The following DGKI variants were observed in gnomAD, a reference collection of about 807,000 sequenced individuals.
DGKI encodes the protein DAG kinase iota.
In DGKI, 55 loss-of-function variants were observed where a neutral mutation model predicts 147.5. That is an observed-to-expected ratio of 0.37 (90% CI 0.30 to 0.47). DGKI has a LOEUF of 0.47. Ranked by LOEUF, DGKI falls within the 20% of genes least tolerant of loss-of-function variation. The pLI, the probability that DGKI is intolerant of heterozygous loss-of-function variation, is 1.00. For synonymous variants in DGKI, 469 were observed against 477.1 expected, an observed-to-expected ratio of 0.98 and a Z score of 0.22; for missense variants, 1,007 against 1,323.8, an observed-to-expected ratio of 0.76 and a Z score of 3.71.
chr7:137,573,517 G>A (rs1818863347), intron 17 of DGKI, among the ~76,000 whole-genome samples: 1 of 152,138 alleles, frequency 6.6e-6, no homozygotes, highest in African/African-American at 2.4e-5. Flanking sequence ...CGATTCTCCT[G>A]CCTCAGCCTC....
chr7:137,727,858 C>T (rs1794757499), intron 1 of DGKI, among the ~76,000 whole-genome samples: 1 of 152,118 alleles, frequency 6.6e-6, no homozygotes, highest in Admixed American at 6.6e-5. Context: ...TATGATTAAG[C>T]TCTTCTTTAT....
At chr7:137,581,358 A>G (rs761623645) in intron 15 of DGKI, among the ~76,000 whole-genome samples, 4 of 152,054 alleles carry the variant, frequency 2.6e-5, no homozygotes, top group Admixed American at 1.3e-4. Context: ...TAGCTCCTCT[A>G]TTGTTCTAAG....
chr7:137,595,326 A>T (rs1819748160), intron 12 of DGKI, among the ~76,000 whole-genome samples: 1 of 152,196 alleles, frequency 6.6e-6, no homozygotes, highest in South Asian at 2.1e-4. Context: ...AGATTGTACC[A>T]ACTTTCACTT....
At chr7:137,801,317 T>TA (rs1797197853) in intron 1 of DGKI, among the ~76,000 whole-genome samples, 1 of 152,122 alleles carries the variant, frequency 6.6e-6, no homozygotes, top group Non-Finnish European at 1.5e-5. Context: ...TGAATCTCAT[T>TA]AGCTACTAGA....
At chr7:137,484,940 C>G (rs754171564) in intron 23 of DGKI, among the ~76,000 whole-genome samples, 1 of 152,008 alleles carries the variant, frequency 6.6e-6, no homozygotes, top group Non-Finnish European at 1.5e-5. Context: ...ACAAAGTCAT[C>G]TAGCCCAGAG....
At chr7:137,781,826 G>C (rs773492760) in intron 1 of DGKI, among the ~76,000 whole-genome samples, 1 of 152,242 alleles carries the variant, frequency 6.6e-6, no homozygotes, top group African/African-American at 2.4e-5. Context: ...AATGGAGGGA[G>C]AAGGCAAAGC....
intron 20 of DGKI, 115 bp from the exon 21 acceptor site, chr7:137,522,081 T>C (rs1440231996): frequency 1.4e-6 from 1 of 705,334 alleles, no homozygotes; most frequent in South Asian, 2.0e-5. Flanking sequence ...AGAGTTCACA[T>C]TCAAACCAGA....
intron 1 of DGKI, among the ~76,000 whole-genome samples, chr7:137,835,517 C>T (rs996638147): frequency 1.1e-4 from 17 of 152,176 alleles, no homozygotes; most frequent in Non-Finnish European, 2.2e-4. Context: ...GTCTCCTTTA[C>T]AATGAAATGG....
rs758446549 is a variant in DGKI, at chr7:137,407,858, T to C, written c.2920+17A>G. 1 of 1,613,154 alleles carries C rather than the reference T, an allele frequency of 6.2e-7. No individual in the cohort carries two copies. The highest frequency in any genetic ancestry group is 8.5e-7 in the Non-Finnish European group (1 of 1,179,604). ...CACAGGTAAGTGATCCTTGGTAAGT[T>C]CACTATGCCTACTTACCGTGGTCAA... On this transcript the variant is annotated intron_variant, in intron 30 of 32. Coordinates refer to ENST00000614521, the MANE Select transcript of DGKI (RefSeq NM_001321708.2).
chr7:137,442,981 T>G (rs1813569712), intron 28 of DGKI, among the ~76,000 whole-genome samples: 1 of 152,246 alleles, frequency 6.6e-6, no homozygotes, highest in Admixed American at 6.5e-5. Context: ...ACCATCTATA[T>G]GGCAAAAGAA....
At chr7:137,691,437 C>G (rs1487792068) in intron 1 of DGKI, among the ~76,000 whole-genome samples, 1 of 152,120 alleles carries the variant, frequency 6.6e-6, no homozygotes, top group Non-Finnish European at 1.5e-5. Context: ...TTGGACTACA[C>G]AGAGGAACAA....
At chr7:137,617,857 TAAAATGAA>T (rs1384408304) in intron 8 of DGKI, among the ~76,000 whole-genome samples, 1 of 151,636 alleles carries the variant, frequency 6.6e-6, no homozygotes, top group Non-Finnish European at 1.5e-5. Context: ...AGGTAATTCA[TAAAATGAA>T]AATATGAAGT....
chr7:137,585,071 C>T, intron 14 of DGKI, 138 bp downstream of exon 14: 3 of 958,122 alleles, frequency 3.1e-6, no homozygotes, highest in Non-Finnish European at 4.7e-6. Context: ...CACATAGCCC[C>T]AGTAGCCATC....
At chr7:137,799,908 A>G (rs1726847563) in intron 1 of DGKI, among the ~76,000 whole-genome samples, 1 of 152,220 alleles carries the variant, frequency 6.6e-6, no homozygotes, top group African/African-American at 2.4e-5. Context: ...TTCTATAATG[A>G]TTAGTTCTAT....
intron 17 of DGKI, among the ~76,000 whole-genome samples, chr7:137,573,855 A>G (rs1818876947): frequency 6.6e-6 from 1 of 152,244 alleles, no homozygotes; most frequent in Non-Finnish European, 1.5e-5. Context: ...ATCCTTTGAT[A>G]AATCAAGGAA....
chr7:137,645,653 A>C, intron 5 of DGKI, 116 bp from the exon 6 acceptor site: 2 of 908,494 alleles, frequency 2.2e-6, no homozygotes, highest in South Asian at 3.7e-5. Flanking sequence ...TGCAGCCTCG[A>C]ACTCCTCTGC....
intron 1 of DGKI, among the ~76,000 whole-genome samples, chr7:137,772,778 T>C (rs143496465): frequency 1.3e-5 from 2 of 152,380 alleles, no homozygotes; most frequent in Middle Eastern, 3.4e-3. Flanking sequence ...AACAAACATA[T>C]ATTGTTTGCA....
chr7:137,438,404 C>G (rs190851268), intron 28 of DGKI, among the ~76,000 whole-genome samples: 1 of 152,036 alleles, frequency 6.6e-6, no homozygotes. Flanking sequence ...ACAAGACTAG[C>G]AAACATTTTT....
At position 137,722,322 on chromosome 7, in the gene DGKI, G is replaced by A. The variant is rs979324230; in HGVS notation, c.402-32320C>T. The A allele has an allele frequency of 9.3e-6, 15 of 1,612,746 alleles. No homozygotes were observed. The Admixed American group carries it at 2.5e-4, about 27-fold the overall frequency. On this transcript the variant is annotated intron_variant, in intron 1 of 32. Coordinates refer to ENST00000614521, the MANE Select transcript of DGKI (RefSeq NM_001321708.2). Reference sequence around the variant, plus strand: ...CCCGGGTGGTTAAACTTCGCAAAATGCCTAGATATTATCCTACTGAAGATG... The same window carrying A: ...CCCGGGTGGTTAAACTTCGCAAAATACCTAGATATTATCCTACTGAAGATG...
Sources: allele counts gnomAD v4.1 joint callset (sites outside exome capture counted in the v4.1 genomes callset), GRCh38; gene constraint gnomAD v4.1.1; transcripts MANE v1.5; gene names NCBI Gene and HGNC (gene_info 2026-07-23, HGNC 2026-07-21).